ZNF124: variants seen among roughly 807,000 people sequenced by gnomAD.
The protein encoded by ZNF124 is zinc finger protein HZF-16.
A neutral mutation model predicts 26.6 loss-of-function variants in ZNF124; 25 were observed. The observed-to-expected ratio is 0.94, with a 90% confidence interval of 0.68 to 1.31. The LOEUF is 1.31. Among genes scored for constraint, ZNF124 ranks in the 40% most tolerant of loss-of-function variants. The pLI, the probability that ZNF124 is intolerant of heterozygous loss-of-function variation, is 0.00. For synonymous variants in ZNF124, 129 were observed against 133.3 expected, an observed-to-expected ratio of 0.97 and a Z score of 0.22; for missense variants, 444 against 422.2, an observed-to-expected ratio of 1.05 and a Z score of -0.45.
intron 3 of ZNF124, among the ~76,000 whole-genome samples, chr1:247,145,772 G>T (rs1382223352): frequency 1.3e-5 from 2 of 152,106 alleles, no homozygotes; most frequent in Non-Finnish European, 2.9e-5. Flanking sequence ...GGGATTACAG[G>T]CGCCTACCAC....
intron 1 of ZNF124, among the ~76,000 whole-genome samples, chr1:247,164,016 C>T (rs1673641266): frequency 6.6e-6 from 1 of 152,014 alleles, no homozygotes; most frequent in African/African-American, 2.4e-5. Flanking sequence ...TGATTCACAA[C>T]ATAAACAAAA....
chr1:247,137,797 G>A (rs976505700), intron 3 of ZNF124, among the ~76,000 whole-genome samples: 2 of 152,028 alleles, frequency 1.3e-5, no homozygotes, highest in Non-Finnish European at 2.9e-5. Flanking sequence ...AGTGGGCAAG[G>A]GATATGAATA....
At chr1:247,144,105 T>C (rs539343584) in intron 3 of ZNF124, among the ~76,000 whole-genome samples, 18 of 152,306 alleles carry the variant, frequency 1.2e-4, no homozygotes, top group Middle Eastern at 3.4e-3. Flanking sequence ...AGATTTTTCT[T>C]TGGCCCTCAC....
chr1:247,144,595 A>T (rs536647452), intron 3 of ZNF124, among the ~76,000 whole-genome samples: 12 of 151,856 alleles, frequency 7.9e-5, no homozygotes, highest in Non-Finnish European at 1.8e-4. Flanking sequence ...CTTGCTACAG[A>T]GCTCCTGTCA....
At chr1:247,148,214 A>C (rs1672836708) in intron 3 of ZNF124, among the ~76,000 whole-genome samples, 1 of 152,196 alleles carries the variant, frequency 6.6e-6, no homozygotes, top group Admixed American at 6.5e-5. Context: ...CCTCGCTAAC[A>C]GGTTGGCGAG....
At chr1:247,149,535 T>C (rs1380184591) in intron 3 of ZNF124, among the ~76,000 whole-genome samples, 2 of 152,190 alleles carry the variant, frequency 1.3e-5, no homozygotes, top group African/African-American at 4.8e-5. Context: ...AATAAAGTCA[T>C]TTGTGAAAAT....
chr1:247,131,618 C>G (rs1317838858), intron 3 of ZNF124, among the ~76,000 whole-genome samples: 1 of 152,254 alleles, frequency 6.6e-6, no homozygotes, highest in Non-Finnish European at 1.5e-5. Flanking sequence ...GGAGGCTGTA[C>G]AGCTAGGTCC....
rs963329787 is a variant in ZNF124, at chr1:247,155,511, T to C, written c.*1055A>G. On this transcript the variant is annotated 3_prime_UTR_variant, in exon 4 of 4. Coordinates refer to ENST00000543802, the MANE Select transcript of ZNF124 (RefSeq NM_001297568.2). The stretch of plus-strand genomic sequence containing the variant: ...AGAAAAAGGAAATTTATTTACCAGC[T>C]TAAAAAAGAAGAATACATATTTAAC... 1.3e-5 allele frequency among the ~76,000 whole-genome samples: 2 copies of C among 152,144 alleles called. No homozygotes were observed. The highest frequency in any genetic ancestry group is 2.9e-5 in the Non-Finnish European group (2 of 68,028).
At chr1:247,125,952 T>A (rs1057137630) in intron 3 of ZNF124, among the ~76,000 whole-genome samples, 8 of 147,786 alleles carry the variant, frequency 5.4e-5, no homozygotes, top group Admixed American at 2.0e-4. Flanking sequence ...TGTACAATTG[T>A]ATTCATATAA....
intron 3 of ZNF124, among the ~76,000 whole-genome samples, chr1:247,146,673 TA>T (rs57860592): frequency 0.026 from 3,946 of 152,320 alleles, 183 homozygotes; most frequent in African/African-American, 0.09. Flanking sequence ...CACTAAACCT[TA>T]TTTGGAAAGC....
At chr1:247,145,121 G>C (rs1672728863) in intron 3 of ZNF124, among the ~76,000 whole-genome samples, 1 of 152,108 alleles carries the variant, frequency 6.6e-6, no homozygotes, top group African/African-American at 2.4e-5. Flanking sequence ...TCAAATTTGG[G>C]AAACAGATCT....
At chr1:247,134,696 GAC>G (rs1429250498) in intron 3 of ZNF124, among the ~76,000 whole-genome samples, 1 of 152,148 alleles carries the variant, frequency 6.6e-6, no homozygotes, top group African/African-American at 2.4e-5. Flanking sequence ...AGATCAATGA[GAC>G]AGAAAATTAG....
At chr1:247,158,806 T>G (rs1673301916) in intron 3 of ZNF124, among the ~76,000 whole-genome samples, 200 bp downstream of exon 3, 1 of 152,104 alleles carries the variant, frequency 6.6e-6, no homozygotes, top group Non-Finnish European at 1.5e-5. Flanking sequence ...ATTTTGTATT[T>G]TTAGTAGAGA....
chr1:247,153,842 G>A (rs1175905268), downstream of ZNF124, among the ~76,000 whole-genome samples: 1 of 152,178 alleles, frequency 6.6e-6, no homozygotes, highest in Non-Finnish European at 1.5e-5. Flanking sequence ...GCTAACGAAA[G>A]CCCCCTTTGG....
In ZNF124 at chr1:247,143,722, C is replaced by T. The variant is rs563010001; in HGVS notation, c.218+15284G>A. On this transcript the variant is annotated intron_variant, in intron 3 of 3. Coordinates refer to the ZNF124 transcript ENST00000472531. ...CTATGTCTAGGATTCCCTTACCTGA[C>T]TTATGTCTTTGGTTTACCCAAGTAT... Among the ~76,000 whole-genome samples, 41 of 152,290 alleles carry T rather than the reference C, an allele frequency of 2.7e-4. No individual in the cohort carries two copies. In the South Asian group the frequency reaches 3.3e-3, roughly 12 times the overall value.
rs757598342 is a variant in ZNF124, at chr1:247,159,113, G to C, written c.158-47C>G. On this transcript the variant is annotated intron_variant, in intron 2 of 3. Coordinates refer to ENST00000543802, the MANE Select transcript of ZNF124 (RefSeq NM_001297568.2). ...ATATTACAAATTATTTGAAATTATA[G>C]AAAAATTACTAGACTCTAGGTGCTA... 3 of 1,553,284 alleles carry C rather than the reference G, an allele frequency of 1.9e-6. No individual in the cohort carries two copies. The South Asian group carries it at 3.5e-5, about 18-fold the overall frequency.
At chr1:247,160,418 A>T (rs189879575) in intron 1 of ZNF124, among the ~76,000 whole-genome samples, 4 of 152,308 alleles carry the variant, frequency 2.6e-5, no homozygotes, top group Non-Finnish European at 2.9e-5. Context: ...AGTACATATC[A>T]TATCAAAGTC....
chr1:247,169,563 A>G (rs114545552), intron 1 of ZNF124, among the ~76,000 whole-genome samples: 2,602 of 148,574 alleles, frequency 0.018, 70 homozygotes, highest in African/African-American at 0.053. Flanking sequence ...CATCCTGCTC[A>G]GGGAAGTACT....
chr1:247,156,025 A>T lies in ZNF124; in HGVS notation c.*541T>A, dbSNP rs1253147376. On this transcript the variant is annotated 3_prime_UTR_variant, in exon 4 of 4. Transcript: ENST00000543802. ...TGAATTTTCTTGAGAATTGTACTAT[A>T]ATTATTTTCCATAAGGTTTTCCATA... 5 of 958,484 alleles carry T rather than the reference A, an allele frequency of 5.2e-6. No homozygotes were observed. The highest frequency in any genetic ancestry group is 6.2e-6 in the Non-Finnish European group (5 of 805,676). 59.4% of individuals were successfully genotyped at this position (958,484 alleles called of 1,614,324 possible).
Sources: allele counts gnomAD v4.1 joint callset (sites outside exome capture counted in the v4.1 genomes callset), GRCh38; gene constraint gnomAD v4.1.1; transcripts MANE v1.5; gene names NCBI Gene and HGNC (gene_info 2026-07-23, HGNC 2026-07-21).